USP54: variants seen among roughly 807,000 people sequenced by gnomAD.
The protein encoded by USP54 is ubiquitin carboxyl-terminal hydrolase 54.
In USP54, 87 loss-of-function variants were observed where a neutral mutation model predicts 170.5. The observed-to-expected ratio is 0.51, with a 90% CI of 0.43 to 0.61. The LOEUF (loss-of-function observed/expected upper bound fraction) is 0.61. Among genes scored for constraint, USP54 ranks in the 20% least tolerant of loss-of-function variants. The pLI, the probability that USP54 is intolerant of heterozygous loss-of-function variation, is 0.00. For missense variants in USP54, 1,786 were observed against 2,047.8 expected (o/e 0.87, Z 2.47); for synonymous variants, 655 against 742.8 (o/e 0.88, Z 1.92).
intron 1 of USP54, among the ~76,000 whole-genome samples, chr10:73,583,642 A>G (rs2132152329): frequency 6.6e-6 from 1 of 152,276 alleles, no homozygotes; most frequent in African/African-American, 2.4e-5. Flanking sequence ...CCAGCTACTC[A>G]GAAGGGTGAG....
At chr10:73,603,042 CCCACCCTAATTAG>C (rs532043205) in intron 1 of USP54, among the ~76,000 whole-genome samples, 5 of 151,956 alleles carry the variant, frequency 3.3e-5, no homozygotes, top group Non-Finnish European at 7.4e-5. Flanking sequence ...AAGAACTCAT[CCCACCCTAATTAG>C]CCTTCCCCAG....
rs574744353 is a variant in USP54 at position 73,501,571 on chromosome 10, G to T, written c.4312-733C>A. Among the ~76,000 whole-genome samples the T allele has an allele frequency of 1.7e-3, 253 of 152,114 alleles. 1 individual carries two copies. The highest frequency in any genetic ancestry group is 5.9e-3 in the African/African-American group (244 of 41,468). On this transcript the variant is annotated intron_variant, in intron 22 of 23. Coordinates refer to ENST00000687698, the MANE Select transcript of USP54 (RefSeq NM_001391956.1). ...ATCCACAATTCCATTACTTGCCAAG[G>T]ACTATCATTTCTACCTATGGGTTTT... is the stretch of plus-strand genomic sequence containing the variant.
intron 13 of USP54, 60 bp from the exon 14 acceptor site, chr10:73,530,583 C>G (rs1300613189): frequency 5.8e-6 from 9 of 1,563,686 alleles, no homozygotes; most frequent in Non-Finnish European, 7.8e-6. Context: ...ATACTAGACC[C>G]CAATGTCGAA....
intron 22 of USP54, among the ~76,000 whole-genome samples, chr10:73,504,007 C>T (rs1352615734): frequency 1.3e-5 from 2 of 152,312 alleles, no homozygotes; most frequent in South Asian, 2.1e-4. Flanking sequence ...TGAGCCACCA[C>T]GCCTGGCCTC....
chr10:73,610,473 T>G (rs571472609), intron 1 of USP54, among the ~76,000 whole-genome samples: 13 of 151,800 alleles, frequency 8.6e-5, no homozygotes, highest in Non-Finnish European at 1.5e-4. Flanking sequence ...ATTACAAAAA[T>G]TAGCCGGACA....
intron 1 of USP54, among the ~76,000 whole-genome samples, chr10:73,621,851 T>C (rs1401910562): frequency 6.6e-6 from 1 of 152,220 alleles, no homozygotes; most frequent in Non-Finnish European, 1.5e-5. Flanking sequence ...ACAAATTTTG[T>C]ATTTAGCACC....
At chr10:73,617,276 A>G (rs1442769974) in intron 1 of USP54, among the ~76,000 whole-genome samples, 1 of 149,880 alleles carries the variant, frequency 6.7e-6, no homozygotes, top group African/African-American at 2.5e-5. Context: ...AGCCTGGGCA[A>G]CAAGAGCGAA....
intron 6 of USP54, 31 bp downstream of exon 6, chr10:73,542,987 A>G: frequency 6.2e-7 from 1 of 1,610,044 alleles, no homozygotes; most frequent in Non-Finnish European, 8.5e-7. Context: ...TCTGGAAGAA[A>G]TGTCTAAAAA....
At position 73,500,856 on chromosome 10, in the gene USP54, CA is replaced by C; in HGVS notation, c.4312-19del. ...GATGAATCCTTATAATGAGACAAGA[CA>C]AAAAAACATAGAGATGAGGATTAAC... On this transcript the variant is annotated intron_variant, in intron 22 of 23. Transcript: ENST00000687698. The C allele has an allele frequency of 2.5e-6, 4 of 1,580,744 alleles. No individual in the cohort carries two copies. The highest frequency in any genetic ancestry group is 3.9e-5 in the Admixed American group (2 of 50,970).
chr10:73,541,799 A>G, intron 7 of USP54, 61 bp from the exon 8 acceptor site: 1 of 1,486,320 alleles, frequency 6.7e-7, no homozygotes. Flanking sequence ...TAAATCAAAC[A>G]TTAATGTACA....
intron 9 of USP54, among the ~76,000 whole-genome samples, chr10:73,540,355 G>C (rs2066335508): frequency 6.6e-6 from 1 of 151,800 alleles, no homozygotes; most frequent in African/African-American, 2.4e-5. Flanking sequence ...CAGATCACGA[G>C]GTCAGGAGAT....
intron 21 of USP54, 81 bp downstream of exon 21, chr10:73,505,227 A>T (rs1320179125): frequency 6.4e-6 from 9 of 1,410,570 alleles, no homozygotes; most frequent in Non-Finnish European, 8.8e-6. Flanking sequence ...CTGCCTTATC[A>T]TCATCCCTGT....
intron 1 of USP54, among the ~76,000 whole-genome samples, chr10:73,587,301 G>A (rs1480762563): frequency 6.6e-6 from 1 of 151,904 alleles, no homozygotes; most frequent in African/African-American, 2.4e-5. Flanking sequence ...GTGAAACCCC[G>A]TCTCTACTAA....
chr10:73,601,841 G>T (rs963478439), intron 1 of USP54, among the ~76,000 whole-genome samples: 4 of 152,158 alleles, frequency 2.6e-5, no homozygotes, highest in East Asian at 3.8e-4. Context: ...GGTGGCAGTG[G>T]CAACAGCTGC....
At position 73,569,765 on chromosome 10, in the gene USP54, G is replaced by GA. The variant is rs796556013; in HGVS notation, c.240+1655dup. The stretch of plus-strand genomic sequence containing the variant: ...GAAAATCCGTCTCAAAAAAAAAAAA[G>GA]AAAAAAAAAAATCTGCCTATCATGG... On this transcript the variant is annotated intron_variant, in intron 4 of 23. Transcript: ENST00000687698. Among the ~76,000 whole-genome samples the GA allele has an allele frequency of 1.5e-3, 210 of 137,902 alleles. 1 individual carries two copies. Among genetic ancestry groups the GA allele is most frequent in the Middle Eastern group, 3.8e-3 (1 of 260 alleles). The allele number at this position is 137,902 out of a possible 152,430, so 90.5% of individuals were successfully genotyped here. A position where few individuals can be genotyped will look rare whatever the true frequency, so the allele number is the denominator to read the frequency against.
chr10:73,546,745 T>C (rs1453051556), intron 4 of USP54: 9 of 152,228 alleles, frequency 5.9e-5, no homozygotes, highest in Non-Finnish European at 1.0e-4. Flanking sequence ...GATATAGACC[T>C]GGTACACCTT....
In USP54 at chr10:73,498,638, A is replaced by T. The variant is rs372951676; in HGVS notation, c.5046T>A (p.Ser1682Arg). ...AGGAAAGGAATAACCTTTACCATTG[A>T]CTGTGCTGCAGGACTCTAGCCCTGA... The part of the protein sequence containing the change: ...EQIRARVLQH[S>R]QW The change falls in exon 24 of 24, where the codon AGT (serine) becomes AGA (arginine). Residue 1682 changes from serine (S) to arginine (R), a missense_variant. Transcript: ENST00000687698. The T allele has an allele frequency of 6.5e-7, 1 of 1,533,774 alleles. No homozygotes were observed. Among genetic ancestry groups the T allele is most frequent in the African/African-American group, 1.4e-5 (1 of 72,026 alleles).
Position 73,545,533 on chromosome 10 carries a change from C to T in USP54, c.375+5G>A. On this transcript the variant is annotated splice_donor_5th_base_variant and intron_variant, in intron 5 of 23. Transcript: ENST00000687698. Reference sequence around the variant, plus strand: ...TATCAAAGAGGGCCAGAGGCCAGCACTTACAAAGCACTCTGCAGCATCATC... The same window carrying T: ...TATCAAAGAGGGCCAGAGGCCAGCATTTACAAAGCACTCTGCAGCATCATC... 6.2e-7 allele frequency: 1 copy of T among 1,614,054 alleles called. No individual in the cohort carries two copies. The highest frequency in any genetic ancestry group is 1.1e-5 in the South Asian group (1 of 91,074).
intron 9 of USP54, among the ~76,000 whole-genome samples, chr10:73,539,873 T>G (rs7095604): frequency 6.6e-6 from 1 of 152,266 alleles, no homozygotes; most frequent in East Asian, 1.9e-4. Context: ...CGCCTGTAAT[T>G]CCTACACTTT....
Sources: gnomAD v4.1 joint callset for allele counts (sites outside exome capture counted in the v4.1 genomes callset) on GRCh38, gnomAD v4.1.1 for gene constraint, MANE v1.5 for transcripts, NCBI Gene and HGNC (gene_info 2026-07-23, HGNC 2026-07-21) for gene names.